Variants in CARD10 observed in about 807,000 individuals in gnomAD.
CARD10 encodes the protein caspase recruitment domain-containing protein 10.
Under a neutral mutation model 114.6 loss-of-function variants are expected in CARD10, and 49 were observed. That is an observed-to-expected ratio of 0.43 (90% CI 0.34 to 0.54). The LOEUF (loss-of-function observed/expected upper bound fraction) is 0.54, where lower values mean the gene tolerates loss of function less well. Ranked by LOEUF, CARD10 falls within the 20% of genes least tolerant of loss-of-function variation. The pLI is 0.03. For synonymous variants in CARD10, 602 were observed against 593.2 expected (o/e 1.01, Z -0.21); for missense variants, 1,206 against 1,397.2 (o/e 0.86, Z 2.18).
At chr22:37,511,476 C>G (rs1236496438) in intron 3 of CARD10, among the ~76,000 whole-genome samples, 2 of 117,392 alleles carry the variant, frequency 1.7e-5, no homozygotes, top group African/African-American at 3.3e-5. Context: ...AAGGAGGAGG[C>G]GGGAGGAGGG....
At chr22:37,518,945 C>T (rs1338005775) in intron 1 of CARD10, 21 bp downstream of exon 1, 52 of 1,509,964 alleles carry the variant, frequency 3.4e-5, no homozygotes, top group Non-Finnish European at 4.5e-5. Flanking sequence ...GGTCGTGGCC[C>T]ACTCGGGACC....
intron 15 of CARD10, chr22:37,494,656 C>T (rs977785585): frequency 3.3e-5 from 6 of 180,044 alleles, no homozygotes; most frequent in African/African-American, 1.4e-4. Flanking sequence ...GACAGACACT[C>T]ACTAAGCCCC....
chr22:37,517,548 A>G (rs1486680709), intron 2 of CARD10, among the ~76,000 whole-genome samples: 3 of 152,196 alleles, frequency 2.0e-5, no homozygotes, highest in Non-Finnish European at 4.4e-5. Context: ...AGGCTGAGGC[A>G]GGAGAATCGC....
chr22:37,491,674 G>GGGGGAGGGAGAAAGA, intron 19 of CARD10, 81 bp downstream of exon 19: 1 of 643,940 alleles, frequency 1.6e-6, no homozygotes, highest in Non-Finnish European at 2.7e-6. Flanking sequence ...GGGAGAGAGA[G>GGGGGAGGGAGAAAGA]GGGGGAGGGA....
In CARD10 at chr22:37,516,053, A is replaced by G; in HGVS notation, c.619T>C (p.Tyr207His). The G allele has an allele frequency of 6.2e-7, 1 of 1,602,766 alleles. No homozygotes were observed. Among genetic ancestry groups the G allele is most frequent in the East Asian group, 2.2e-5 (1 of 44,572 alleles). Reference protein sequence around the residue: ...LELLRLKDENYMIAMRLAQLS... With the variant: ...LELLRLKDENHMIAMRLAQLS... ...TGTGCCAGGCGCATGGCGATCATGT[A>G]GTTCTCATCCTTGAGCCGCAGCAGC... The change falls in exon 3 of 20, where the codon TAC (tyrosine) becomes CAC (histidine). Residue 207 changes from tyrosine to histidine, a missense_variant. Coordinates refer to ENST00000251973, the MANE Select transcript of CARD10 (RefSeq NM_014550.4).
At position 37,506,382 on chromosome 22, in the gene CARD10, GC is replaced by G. The variant is rs757333662; in HGVS notation, c.1192del (p.Ala398ProfsTer37). ...LEEIEKERDQ[A>X]IQSRDRIQLQ... is the part of the protein sequence containing the mutation. ...CTGGATCCGGTCACGGCTCTGGATG[GC>G]CTAGGGTTGGGGGAGGGGAGGCAGC... On this transcript the variant is annotated frameshift_variant and splice_region_variant, in exon 7 of 20. Transcript: ENST00000251973. LOFTEE classifies it high-confidence loss of function. 6.4e-7 allele frequency: 1 copy of G among 1,562,628 alleles called. No individual in the cohort carries two copies. Among genetic ancestry groups the G allele is most frequent in the South Asian group, 1.2e-5 (1 of 83,970 alleles).
At position 37,519,387 on chromosome 22, in the gene CARD10, CG is replaced by C. The variant is rs1479520865; in HGVS notation, c.-188del. 8.3e-7 allele frequency: 1 copy of C among 1,207,192 alleles called. No individual in the cohort carries two copies. Among genetic ancestry groups the C allele is most frequent in the East Asian group, 3.4e-5 (1 of 29,512 alleles). The allele number at this position is 1,207,192 out of a possible 1,614,324, so 74.8% of individuals were successfully genotyped here. A position where few individuals can be genotyped will look rare whatever the true frequency, so the allele number is the denominator to read the frequency against. ...TCGGGCTCCCGGGTCCGCACTCGGGCGGCGGCTCCGCCGGCGCAGGGGGGCG... is the reference window on the plus strand; with the variant it reads ...TCGGGCTCCCGGGTCCGCACTCGGGCGCGGCTCCGCCGGCGCAGGGGGGCG... On this transcript the variant is annotated 5_prime_UTR_variant, in exon 1 of 20. Coordinates refer to ENST00000251973, the MANE Select transcript of CARD10 (RefSeq NM_014550.4). The surrounding 1 kb of genome is among the most constrained non-coding windows in gnomAD (Gnocchi z 4.1).
At position 37,492,311 on chromosome 22, in the gene CARD10, G is replaced by T. The variant is rs971156466; in HGVS notation, c.2751+124C>A. ...CCACAGGAGGGAAAGGACTTGGCCA[G>T]GGCCGCCCTGCCAGTGAGCAGCAGA... is the stretch of plus-strand genomic sequence containing the variant. On this transcript the variant is annotated intron_variant, in intron 18 of 19. Transcript: ENST00000251973. This position sits in a 1 kb window ranked among gnomAD's most constrained non-coding sequence, Gnocchi z 5.7. 4.1e-6 allele frequency: 3 copies of T among 737,412 alleles called. No individual in the cohort carries two copies. Among genetic ancestry groups the T allele is most frequent in the Non-Finnish European group, 6.4e-6 (3 of 465,348 alleles). 45.7% of individuals were successfully genotyped at this position (737,412 alleles called of 1,614,324 possible).
chr22:37,510,135 G>A, intron 4 of CARD10, 77 bp downstream of exon 4: 2 of 1,221,712 alleles, frequency 1.6e-6, no homozygotes, highest in Admixed American at 1.8e-5. Context: ...CGCAGCCTGT[G>A]CCCACAAGCC....
Position 37,492,566 on chromosome 22 carries a change from A to G in CARD10, c.2636-16T>C. On this transcript the variant is annotated splice_polypyrimidine_tract_variant and intron_variant, in intron 17 of 19. Coordinates refer to ENST00000251973, the MANE Select transcript of CARD10 (RefSeq NM_014550.4). This position sits in a 1 kb window ranked among gnomAD's most constrained non-coding sequence, Gnocchi z 5.7. ...GAGAGGCTTTCTGCACAGGGAGTGG[A>G]GAGGGAGAGATGAAGGATCCATGGG... 6.2e-7 allele frequency: 1 copy of G among 1,602,400 alleles called. No homozygotes were observed. The highest frequency in any genetic ancestry group is 8.5e-7 in the Non-Finnish European group (1 of 1,173,252).
At chr22:37,508,829 C>T (rs1392755787) in intron 4 of CARD10, 147 bp from the exon 5 acceptor site, 3 of 1,216,136 alleles carry the variant, frequency 2.5e-6, no homozygotes, top group Non-Finnish European at 3.4e-6. Context: ...CTCTCTGGAT[C>T]TCTGTCTCCC....
At chr22:37,516,397 AG>A in intron 2 of CARD10, 99 bp from the exon 3 acceptor site, 5 of 829,430 alleles carry the variant, frequency 6.0e-6, no homozygotes, top group Non-Finnish European at 5.4e-6. Context: ...AAAACACTAG[AG>A]GGAAATTCTG....
intron 11 of CARD10, among the ~76,000 whole-genome samples, chr22:37,499,989 G>A (rs1177481541): frequency 6.6e-6 from 1 of 152,158 alleles, no homozygotes; most frequent in Non-Finnish European, 1.5e-5. Context: ...AGACAGGAAC[G>A]GGGCAAGTCT....
At position 37,504,668 on chromosome 22, in the gene CARD10, T is replaced by G; in HGVS notation, c.1485A>C (p.Ala495=). The G allele has an allele frequency of 6.4e-7, 1 of 1,560,330 alleles. No homozygotes were observed. Among genetic ancestry groups the G allele is most frequent in the Non-Finnish European group, 8.7e-7 (1 of 1,155,934 alleles). Residue 495 remains alanine, a synonymous_variant, in exon 8 of 20, where the codon GCA becomes GCC. Coordinates refer to ENST00000251973, the MANE Select transcript of CARD10 (RefSeq NM_014550.4). Reference sequence around the variant, plus strand: ...GAGGCTCAGGTCCCCCCATGACAGCTGCCTCCCCAGTTGCTTCTGGGCCTC... The same window carrying G: ...GAGGCTCAGGTCCCCCCATGACAGCGGCCTCCCCAGTTGCTTCTGGGCCTC... The part of the protein sequence containing the change: ...PLGGPEATGE[A]AVMGGPEPHN...
chr22:37,498,204 G>T (rs1336550537), intron 11 of CARD10, among the ~76,000 whole-genome samples: 1 of 152,200 alleles, frequency 6.6e-6, no homozygotes, highest in Non-Finnish European at 1.5e-5. Flanking sequence ...TACATCCTGG[G>T]AAGCAGCTCC....
Position 37,508,684 on chromosome 22 carries a change from TG to T in CARD10, c.910-3del, listed in dbSNP as rs1923503212. On this transcript the variant is annotated splice_polypyrimidine_tract_variant and splice_region_variant and intron_variant, in intron 4 of 19. Transcript: ENST00000251973. ...CGGGGCCCCCGGCCGGCTCGCCTCC[TG>T]GGGATCACAGGGCAGGGCCACCTCA... The T allele has an allele frequency of 1.3e-6, 2 of 1,554,476 alleles. No homozygotes were observed. The highest frequency in any genetic ancestry group is 1.7e-6 in the Non-Finnish European group (2 of 1,154,646).
At chr22:37,510,682 ATGC>A in intron 3 of CARD10, 1 of 487,374 alleles carries the variant, frequency 2.1e-6, no homozygotes, top group South Asian at 3.5e-5. Flanking sequence ...GTGGGCGGAC[ATGC>A]TGCATCACGA....
chr22:37,514,122 AT>A (rs1462847234), intron 3 of CARD10, among the ~76,000 whole-genome samples: 1 of 131,722 alleles, frequency 7.6e-6, no homozygotes, highest in East Asian at 2.2e-4. Flanking sequence ...AAAAAAAAAA[AT>A]TCCTTCAATC....
rs1205816729 is a variant in CARD10 at position 37,495,340 on chromosome 22, C to G, written c.2373+177G>C. On this transcript the variant is annotated intron_variant, in intron 15 of 19. Coordinates refer to ENST00000251973, the MANE Select transcript of CARD10 (RefSeq NM_014550.4). ...TTTACCTCATTTCATCTCTAAACTA[C>G]CCTGGACGGTGAGCTCTGCTGTTCT... Among the ~76,000 whole-genome samples the G allele has an allele frequency of 3.9e-5, 6 of 152,218 alleles. No individual in the cohort carries two copies. The East Asian group carries it at 1.2e-3, about 29-fold the overall frequency.
Sources: allele counts gnomAD v4.1 joint callset (sites outside exome capture counted in the v4.1 genomes callset), GRCh38; gene constraint gnomAD v4.1.1; non-coding constraint Gnocchi (gnomAD v3.1); transcripts MANE v1.5; gene names NCBI Gene and HGNC (gene_info 2026-07-23, HGNC 2026-07-21).